The following CHODL variants were observed in gnomAD, a reference collection of about 807,000 sequenced individuals.
CHODL encodes the protein chondrolectin.
A neutral mutation model predicts 34.5 loss-of-function variants in CHODL; 29 were observed. The ratio of observed to expected loss-of-function variants is 0.84; its 90% CI spans 0.63 to 1.15. CHODL has a LOEUF of 1.15. Among genes scored for constraint, CHODL ranks in the 50% most tolerant of loss-of-function variants. The pLI is 0.00. For missense variants in CHODL, 332 were observed against 332.5 expected, an observed-to-expected ratio of 1.00 and a Z score of 0.01; for synonymous variants, 125 against 116.1, an observed-to-expected ratio of 1.08 and a Z score of -0.49.
intron 2 of CHODL, among the ~76,000 whole-genome samples, chr21:18,081,983 C>T (rs774959475): frequency 2.6e-5 from 4 of 152,102 alleles, no homozygotes; most frequent in Non-Finnish European, 4.4e-5. Flanking sequence ...TTTAACCATC[C>T]GTACATCTCT....
At chr21:18,259,739 C>A (rs759603922) in intron 3 of CHODL, among the ~76,000 whole-genome samples, 22 of 152,298 alleles carry the variant, frequency 1.4e-4, no homozygotes, top group Middle Eastern at 6.8e-3. Context: ...CAAATGCAAT[C>A]CACATACAGT....
chr21:18,130,785 GT>G lies in CHODL; in HGVS notation c.-45+102817del, dbSNP rs375921127. ...ATTCGAAATCGATAGATATGTCATG[GT>G]TTCCACTAAAGAATGTTATTTATTC... On this transcript the variant is annotated intron_variant, in intron 2 of 6. Transcript: ENST00000400127. 4.9e-4 allele frequency among the ~76,000 whole-genome samples: 75 copies of G among 152,256 alleles called. 1 individual carries two copies. In the South Asian group the frequency reaches 0.014, roughly 28 times the overall value.
chr21:18,193,290 C>T (rs1568931120), intron 2 of CHODL, among the ~76,000 whole-genome samples: 1 of 151,958 alleles, frequency 6.6e-6, no homozygotes, highest in African/African-American at 2.4e-5. Context: ...CCCTGAGATC[C>T]ACAATGTTTT....
At chr21:18,021,290 G>A (rs961475006) in intron 1 of CHODL, among the ~76,000 whole-genome samples, 1 of 152,158 alleles carries the variant, frequency 6.6e-6, no homozygotes, top group Non-Finnish European at 1.5e-5. Context: ...ATAAGCGTGT[G>A]TAATTCTTGA....
At chr21:18,033,485 A>G (rs1033958994) in intron 2 of CHODL, among the ~76,000 whole-genome samples, 1 of 152,038 alleles carries the variant, frequency 6.6e-6, no homozygotes, top group African/African-American at 2.4e-5. Context: ...ACAAAATAAT[A>G]TTGCAACTTT....
At chr21:18,011,668 C>A (rs1316604153) in intron 1 of CHODL, among the ~76,000 whole-genome samples, 2 of 152,172 alleles carry the variant, frequency 1.3e-5, no homozygotes, top group Non-Finnish European at 2.9e-5. Context: ...TAGTCCTTAG[C>A]ACTACAGTTT....
chr21:18,175,911 T>C lies in CHODL; in HGVS notation c.-44-80598T>C, dbSNP rs532338895. Among the ~76,000 whole-genome samples, 10 of 152,260 alleles carry C rather than the reference T, an allele frequency of 6.6e-5. No individual in the cohort carries two copies. The East Asian group carries it at 1.9e-3, about 29-fold the overall frequency. On this transcript the variant is annotated intron_variant, in intron 2 of 6. Coordinates refer to the CHODL transcript ENST00000400127. ...GTGAAAAGAGCTAAAGACAACATCATTGTGGCAATGGAGAAAACAAACCTT... is the reference window on the plus strand; with the variant it reads ...GTGAAAAGAGCTAAAGACAACATCACTGTGGCAATGGAGAAAACAAACCTT...
chr21:18,085,433 G>A (rs2064994402), intron 2 of CHODL, among the ~76,000 whole-genome samples: 1 of 151,922 alleles, frequency 6.6e-6, no homozygotes, highest in Admixed American at 6.6e-5. Flanking sequence ...TTCCTTCTTT[G>A]TGTGATTGTA....
chr21:18,171,929 T>C (rs1221539773), intron 2 of CHODL, among the ~76,000 whole-genome samples: 1 of 152,164 alleles, frequency 6.6e-6, no homozygotes, highest in African/African-American at 2.4e-5. Flanking sequence ...TTTAAGAGTG[T>C]TGGTGCATAC....
intron 1 of CHODL, among the ~76,000 whole-genome samples, chr21:17,967,215 T>C (rs539319465): frequency 6.6e-6 from 1 of 152,226 alleles, no homozygotes; most frequent in East Asian, 1.9e-4. Context: ...ATCAGATAAT[T>C]GTATTTTATT....
At chr21:18,224,257 G>A (rs2073910587) in intron 2 of CHODL, among the ~76,000 whole-genome samples, 1 of 152,140 alleles carries the variant, frequency 6.6e-6, no homozygotes, top group Non-Finnish European at 1.5e-5. Flanking sequence ...CTGAGCCACT[G>A]ATCGGCTAGA....
At chr21:17,937,175 T>C (rs747070822) in intron 1 of CHODL, among the ~76,000 whole-genome samples, 8 of 152,030 alleles carry the variant, frequency 5.3e-5, no homozygotes, top group Non-Finnish European at 1.2e-4. Context: ...TTCAAGATCT[T>C]GATGATCCCA....
At chr21:18,037,424 T>C (rs1282622213) in intron 2 of CHODL, among the ~76,000 whole-genome samples, 1 of 149,426 alleles carries the variant, frequency 6.7e-6, no homozygotes, top group Non-Finnish European at 1.5e-5. Context: ...GAACAATCTT[T>C]TAAAATTATC....
intron 2 of CHODL, among the ~76,000 whole-genome samples, chr21:18,212,496 T>G (rs902872421): frequency 5.9e-5 from 9 of 152,106 alleles, no homozygotes; most frequent in African/African-American, 2.2e-4. Flanking sequence ...ATTTACAATT[T>G]TATTATATAT....
chr21:18,188,266 T>G (rs1032504481), intron 2 of CHODL, among the ~76,000 whole-genome samples: 1 of 152,160 alleles, frequency 6.6e-6, no homozygotes, highest in Non-Finnish European at 1.5e-5. Context: ...TTGAACATTT[T>G]TTACCCTGTT....
chr21:18,112,710 A>G (rs771461680), intron 2 of CHODL, among the ~76,000 whole-genome samples: 9 of 152,202 alleles, frequency 5.9e-5, no homozygotes, highest in Non-Finnish European at 4.4e-5. Flanking sequence ...CTGGATATCC[A>G]TAGGCAAAAG....
chr21:17,964,224 T>C (rs197572), intron 1 of CHODL, among the ~76,000 whole-genome samples: 1,703 of 152,356 alleles, frequency 0.011, 27 homozygotes, highest in African/African-American at 0.038. Flanking sequence ...TACATGTGTT[T>C]CATATTTTAC....
rs140051903 is a variant in CHODL, at chr21:17,936,164, G to T, written c.-145+18764G>T. On this transcript the variant is annotated intron_variant, in intron 1 of 6. Transcript: ENST00000400127. ...TAGCATTTTCTACCTTATAACACTG[G>T]TTGGCAGGCAATTTCAGTATCCCAG... 2.7e-4 allele frequency among the ~76,000 whole-genome samples: 41 copies of T among 152,256 alleles called. No homozygotes were observed. In the East Asian group the frequency reaches 7.9e-3, roughly 29 times the overall value.
chr21:18,226,093 A>C (rs1181856230), intron 2 of CHODL, among the ~76,000 whole-genome samples: 1 of 152,138 alleles, frequency 6.6e-6, no homozygotes, highest in Non-Finnish European at 1.5e-5. Flanking sequence ...AGGAGCCAAA[A>C]GAGAATCTTG....
Sources: gnomAD v4.1 joint callset for allele counts (sites outside exome capture counted in the v4.1 genomes callset) on GRCh38, gnomAD v4.1.1 for gene constraint, MANE v1.5 for transcripts, NCBI Gene and HGNC (gene_info 2026-07-23, HGNC 2026-07-21) for gene names.